Variants in VHL observed in about 807,000 individuals in gnomAD.
The protein encoded by VHL is von Hippel-Lindau tumor suppressor.
Under a neutral mutation model 19.2 loss-of-function variants are expected in VHL, and 10 were observed. The ratio of observed to expected loss-of-function variants is 0.52; its 90% CI spans 0.32 to 0.89. The LOEUF (loss-of-function observed/expected upper bound fraction) is 0.89, where lower values mean the gene tolerates loss of function less well. Ranked by LOEUF, VHL falls within the 40% of genes least tolerant of loss-of-function variation. VHL has a pLI of 0.03. For synonymous variants in VHL, 167 were observed against 129.5 expected (o/e 1.29, Z -1.97); for missense variants, 328 against 292.7 (o/e 1.12, Z -0.88).
chr3:10,152,565 T>A lies in VHL; in HGVS notation c.*2600T>A, dbSNP rs142728549. 0.064 allele frequency among the ~76,000 whole-genome samples: 8,197 copies of A among 128,224 alleles called. 402 individuals carry two copies. The highest frequency in any genetic ancestry group is 0.2 in the Admixed American group (2,138 of 10,906). 84.1% of individuals were successfully genotyped at this position (128,224 alleles called of 152,430 possible). On this transcript the variant is annotated 3_prime_UTR_variant, in exon 3 of 3. Transcript: ENST00000256474. ...TGGAGTGCAGTGGTGCGATCTCTGC[T>A]CACTACAAGCTCTGCCTCCCGAGTT...
rs974810068 is a variant in VHL, at chr3:10,153,048, G to A, written c.*3083G>A. Among the ~76,000 whole-genome samples the A allele has an allele frequency of 5.3e-5, 8 of 151,996 alleles. No homozygotes were observed. The highest frequency in any genetic ancestry group is 1.9e-4 in the African/African-American group (8 of 41,416). On this transcript the variant is annotated 3_prime_UTR_variant, in exon 3 of 3. Coordinates refer to ENST00000256474, the MANE Select transcript of VHL (RefSeq NM_000551.4). ...TCCCAGCACTTTGGGAGGCCTAGGC[G>A]GGTGGATCACGAGGTCAGGAAATCG...
chr3:10,149,681 A>T, intron 2 of VHL, 106 bp from the exon 3 acceptor site: 5 of 1,006,820 alleles, frequency 5.0e-6, no homozygotes, highest in Non-Finnish European at 7.7e-6. Flanking sequence ...CTTTAACCTA[A>T]AGTGAGATCC....
intron 2 of VHL, among the ~76,000 whole-genome samples, chr3:10,147,359 GT>G (rs745427992): frequency 8.9e-4 from 38 of 42,478 alleles, no homozygotes; most frequent in African/African-American, 3.2e-3. Context: ...AATCAGAGGT[GT>G]TTTTTTTTTT....
chr3:10,149,878 C>T lies in VHL; in HGVS notation c.555C>T (p.Tyr185=), dbSNP rs864622109. The T allele has an allele frequency of 1.1e-5, 18 of 1,614,022 alleles. No homozygotes were observed. The African/African-American group carries it at 1.2e-4, about 11-fold the overall frequency. ...YRRLDIVRSL[Y]EDLEDHPNVQ... is the part of the protein sequence containing the mutation. ...GACTGGACATCGTCAGGTCGCTCTACGAAGATCTGGAAGACCACCCAAATG... is the reference window on the plus strand; with the variant it reads ...GACTGGACATCGTCAGGTCGCTCTATGAAGATCTGGAAGACCACCCAAATG... The change falls in exon 3 of 3, where the codon TAC becomes TAT. Residue 185 remains tyrosine, a synonymous_variant. Coordinates refer to ENST00000256474, the MANE Select transcript of VHL (RefSeq NM_000551.4).
chr3:10,150,193 A>T lies in VHL; in HGVS notation c.*228A>T. 7.2e-7 allele frequency: 1 copy of T among 1,393,846 alleles called. No individual in the cohort carries two copies. The highest frequency in any genetic ancestry group is 1.5e-5 in the South Asian group (1 of 67,960). 86.3% of individuals were successfully genotyped at this position (1,393,846 alleles called of 1,614,324 possible). A position where few individuals can be genotyped will look rare whatever the true frequency, so the allele number is the denominator to read the frequency against. ...ATGCCTGCCCATTAGAGAAGTATTT[A>T]TCAGGAGAAGGTGGTGGCATTTTTG... On this transcript the variant is annotated 3_prime_UTR_variant, in exon 3 of 3. Coordinates refer to ENST00000256474, the MANE Select transcript of VHL (RefSeq NM_000551.4).
At chr3:10,147,449 C>T (rs1342112015) in intron 2 of VHL, among the ~76,000 whole-genome samples, 1 of 151,632 alleles carries the variant, frequency 6.6e-6, no homozygotes, top group Non-Finnish European at 1.5e-5. Flanking sequence ...ACTGCAACCT[C>T]TGCATCCTGG....
At chr3:10,144,463 G>A (rs187695605) in intron 1 of VHL, among the ~76,000 whole-genome samples, 8 of 150,112 alleles carry the variant, frequency 5.3e-5, no homozygotes, top group Non-Finnish European at 1.2e-4. Flanking sequence ...CTCTAGTCTG[G>A]TAACACAGCA....
intron 1 of VHL, among the ~76,000 whole-genome samples, chr3:10,143,699 G>A (rs1299152416): frequency 6.6e-6 from 1 of 151,980 alleles, no homozygotes; most frequent in Non-Finnish European, 1.5e-5. Context: ...TGCCTGCTTC[G>A]GCCTCCCAAA....
At position 10,153,278 on chromosome 3, in the gene VHL, A is replaced by G. The variant is rs1359799252; in HGVS notation, c.*3313A>G. 6.9e-6 allele frequency among the ~76,000 whole-genome samples: 1 copy of G among 145,590 alleles called. No individual in the cohort carries two copies. Among genetic ancestry groups the G allele is most frequent in the Non-Finnish European group, 1.5e-5 (1 of 65,712 alleles). On this transcript the variant is annotated 3_prime_UTR_variant, in exon 3 of 3. Coordinates refer to ENST00000256474, the MANE Select transcript of VHL (RefSeq NM_000551.4). ...GGGCGACAGAGTGAGACACCGTCTC[A>G]AAAAAAAAAACAAAAAACAAAAATT...
In VHL at chr3:10,149,899, A is replaced by C. The variant is rs1372952726; in HGVS notation, c.576A>C (p.Pro192=). Residue 192 remains proline, a synonymous_variant, in exon 3 of 3, where the codon CCA becomes CCC. Transcript: ENST00000256474. The stretch of plus-strand genomic sequence containing the variant: ...TCTACGAAGATCTGGAAGACCACCC[A>C]AATGTGCAGAAAGACCTGGAGCGGC... The part of the protein sequence containing the change: ...RSLYEDLEDH[P]NVQKDLERLT... 4.3e-6 allele frequency: 7 copies of C among 1,614,180 alleles called. No individual in the cohort carries two copies. The highest frequency in any genetic ancestry group is 1.6e-4 in the Middle Eastern group (1 of 6,062).
In VHL at chr3:10,141,835, G is replaced by C. The variant is rs1057522448; in HGVS notation, c.-13G>C. The C allele has an allele frequency of 9.8e-6, 15 of 1,536,818 alleles. No homozygotes were observed. The East Asian group carries it at 2.7e-4, about 28-fold the overall frequency. On this transcript the variant is annotated 5_prime_UTR_variant, in exon 1 of 3. Coordinates refer to ENST00000256474, the MANE Select transcript of VHL (RefSeq NM_000551.4). ...CGCGGCGTCCGGCCCGGGTGGTCTG[G>C]ATCGCGGAGGGAATGCCCCGGAGGG... is the stretch of plus-strand genomic sequence containing the variant.
Position 10,149,787 on chromosome 3 carries a change from T to C in VHL, c.464T>C (p.Val155Ala), listed in dbSNP as rs2125130449. 1.2e-6 allele frequency: 2 copies of C among 1,613,954 alleles called. No homozygotes were observed. The highest frequency in any genetic ancestry group is 1.1e-5 in the South Asian group (1 of 91,078). ...GAGGATTTGGTTTTTGCCCTTCCAG[T>C]GTATACTCTGAAAGAGCGATGCCTC... ...QPIFANITLP[V>A]YTLKERCLQV... The change falls in exon 3 of 3, where the codon GTG becomes GCG. Residue 155 changes from valine (V) to alanine (A), a missense_variant and splice_region_variant. Physicochemically the swap from Val to Ala is moderately conservative, Grantham distance 64. Transcript: ENST00000256474.
intron 1 of VHL, among the ~76,000 whole-genome samples, chr3:10,145,521 C>T (rs889846264): frequency 7.9e-5 from 12 of 151,900 alleles, no homozygotes; most frequent in East Asian, 3.9e-4. Context: ...CTGGCTAATA[C>T]GGTGAAACCC....
chr3:10,142,305 A>C (rs1009361638), intron 1 of VHL, 118 bp downstream of exon 1: 1 of 1,033,708 alleles, frequency 9.7e-7, no homozygotes, highest in East Asian at 2.7e-5. Context: ...GGCAGGACAC[A>C]TCCAGGGTGA....
intron 1 of VHL, chr3:10,143,086 A>AT (rs962704872): frequency 6.6e-6 from 1 of 151,142 alleles, no homozygotes; most frequent in African/African-American, 2.4e-5. Context: ...TTAAAAGGTG[A>AT]TTTTACCCCT....
rs1365536227 is a variant in VHL at position 10,141,943 on chromosome 3, G to A, written c.96G>A (p.Glu32=). Residue 32 remains glutamate (E), a synonymous_variant, in exon 1 of 3, where the codon GAG becomes GAA. Coordinates refer to ENST00000256474, the MANE Select transcript of VHL (RefSeq NM_000551.4). ...EYGPEEDGGE[E]SGAEESGPEE... is the part of the protein sequence containing the mutation. Reference sequence around the variant, plus strand: ...GCCCTGAAGAAGACGGCGGGGAGGAGTCGGGCGCCGAGGAGTCCGGCCCGG... The same window carrying A: ...GCCCTGAAGAAGACGGCGGGGAGGAATCGGGCGCCGAGGAGTCCGGCCCGG... 1.3e-6 allele frequency: 2 copies of A among 1,542,100 alleles called. No homozygotes were observed. Among genetic ancestry groups the A allele is most frequent in the East Asian group, 4.9e-5 (2 of 40,780 alleles).
In VHL at chr3:10,152,105, C is replaced by T. The variant is rs140614750; in HGVS notation, c.*2140C>T. On this transcript the variant is annotated 3_prime_UTR_variant, in exon 3 of 3. Coordinates refer to ENST00000256474, the MANE Select transcript of VHL (RefSeq NM_000551.4). ...AAATCAGGCCGGGCATGGTGGCTCACGCCTGTAATCCCAGCACTTTGGGAG... is the reference window on the plus strand; with the variant it reads ...AAATCAGGCCGGGCATGGTGGCTCATGCCTGTAATCCCAGCACTTTGGGAG... 17,457 of 159,214 alleles carry T rather than the reference C, an allele frequency of 0.11. 2,626 individuals carry two copies. Among genetic ancestry groups the T allele is most frequent in the African/African-American group, 0.35 (14,130 of 40,416 alleles). 9.9% of individuals were successfully genotyped at this position (159,214 alleles called of 1,614,324 possible).
rs1380425538 is a variant in VHL, at chr3:10,145,717, AAAG to A, written c.341-794_341-792del. On this transcript the variant is annotated intron_variant, in intron 1 of 2. Transcript: ENST00000256474. ...CAAGACTGCATCTCAAAAAAAAAAA[AAAG>A]AAAAAGAAAAGAAAATTCTGGTATA... Among the ~76,000 whole-genome samples, 5 of 151,608 alleles carry A rather than the reference AAAG, an allele frequency of 3.3e-5. No homozygotes were observed. The East Asian group carries it at 9.7e-4, about 29-fold the overall frequency.
chr3:10,149,034 C>T (rs1248081365), intron 2 of VHL, among the ~76,000 whole-genome samples: 1 of 151,750 alleles, frequency 6.6e-6, no homozygotes, highest in African/African-American at 2.4e-5. Context: ...AGTTACTCTG[C>T]TGGTGGTAGT....
Sources: allele counts gnomAD v4.1 joint callset (sites outside exome capture counted in the v4.1 genomes callset), GRCh38; gene constraint gnomAD v4.1.1; transcripts MANE v1.5; gene names NCBI Gene and HGNC (gene_info 2026-07-23, HGNC 2026-07-21).